Variants in RPTOR observed in about 807,000 individuals in gnomAD.
The protein encoded by RPTOR is regulatory associated protein of MTOR complex 1, also known as regulatory-associated protein of mTOR.
Under a neutral mutation model 169.9 loss-of-function variants are expected in RPTOR, and 21 were observed. The observed-to-expected ratio is 0.12, with a 90% CI of 0.09 to 0.18. RPTOR has a LOEUF of 0.18. RPTOR is among the 10% of genes least tolerant of loss of function. RPTOR has a pLI of 1.00. For synonymous variants in RPTOR, 732 were observed against 753.2 expected (o/e 0.97, Z 0.46); for missense variants, 1,133 against 1,855.9 (o/e 0.61, Z 7.16).
intron 1 of RPTOR, among the ~76,000 whole-genome samples, chr17:80,608,333 T>G (rs1164320854): frequency 6.6e-6 from 1 of 152,222 alleles, no homozygotes; most frequent in Non-Finnish European, 1.5e-5. Context: ...GCAATTTTCT[T>G]TTTTCATATA....
chr17:80,704,532 C>T (rs1042914561), intron 3 of RPTOR, among the ~76,000 whole-genome samples: 3 of 152,202 alleles, frequency 2.0e-5, no homozygotes, highest in African/African-American at 7.2e-5. Flanking sequence ...GTACCCAGCA[C>T]CTGGATGCAG....
intron 2 of RPTOR, among the ~76,000 whole-genome samples, chr17:80,639,256 A>T (rs1415858385): frequency 6.6e-6 from 1 of 150,558 alleles, no homozygotes; most frequent in Non-Finnish European, 1.5e-5. Flanking sequence ...TTTGCACTTC[A>T]TCTAGTAGGC....
At chr17:80,558,821 G>T (rs772446740) in intron 1 of RPTOR, among the ~76,000 whole-genome samples, 2 of 152,074 alleles carry the variant, frequency 1.3e-5, no homozygotes, top group East Asian at 3.8e-4. Context: ...ATTATGCCCC[G>T]CCCGTCACCC....
intron 5 of RPTOR, among the ~76,000 whole-genome samples, chr17:80,733,781 T>G (rs906586798): frequency 2.0e-5 from 3 of 152,278 alleles, no homozygotes; most frequent in African/African-American, 7.2e-5. Flanking sequence ...AGAGGCTGCG[T>G]CACTCACGAC....
intron 20 of RPTOR, among the ~76,000 whole-genome samples, chr17:80,898,164 G>T (rs1180274822): frequency 6.6e-6 from 1 of 152,138 alleles, no homozygotes; most frequent in Non-Finnish European, 1.5e-5. Context: ...TCATAAGCTA[G>T]CTTCAAAAAG....
intron 1 of RPTOR, among the ~76,000 whole-genome samples, chr17:80,579,018 T>C (rs1403177202): frequency 6.6e-6 from 1 of 152,138 alleles, no homozygotes; most frequent in Non-Finnish European, 1.5e-5. Context: ...CTTACTTGCT[T>C]TGTCCCCTTG....
chr17:80,573,870 C>G (rs1487334650), intron 1 of RPTOR, among the ~76,000 whole-genome samples: 1 of 152,256 alleles, frequency 6.6e-6, no homozygotes, highest in African/African-American at 2.4e-5. Flanking sequence ...GGAGAACCAG[C>G]TCCTAGCACT....
At chr17:80,808,792 G>C (rs1228865106) in intron 7 of RPTOR, among the ~76,000 whole-genome samples, 1 of 152,182 alleles carries the variant, frequency 6.6e-6, no homozygotes, top group South Asian at 2.1e-4. Context: ...GCTCTTTTCT[G>C]TCTCTTCCTT....
chr17:80,691,241 T>C (rs2065988325), intron 3 of RPTOR, among the ~76,000 whole-genome samples: 1 of 152,164 alleles, frequency 6.6e-6, no homozygotes, highest in Admixed American at 6.5e-5. Context: ...TGTGGGCTTC[T>C]CTCAAAGGTG....
intron 6 of RPTOR, among the ~76,000 whole-genome samples, chr17:80,785,993 A>T (rs560864614): frequency 6.6e-6 from 1 of 152,102 alleles, no homozygotes; most frequent in African/African-American, 2.4e-5. Context: ...GCGTCTGTCC[A>T]TGGGGAGAGG....
intron 1 of RPTOR, among the ~76,000 whole-genome samples, chr17:80,624,589 T>C (rs1202953101): frequency 6.6e-6 from 1 of 152,196 alleles, no homozygotes; most frequent in Non-Finnish European, 1.5e-5. Flanking sequence ...TACCCAGAAA[T>C]AGAATTTTGT....
intron 6 of RPTOR, among the ~76,000 whole-genome samples, chr17:80,781,627 C>T (rs1053223711): frequency 1.3e-5 from 2 of 152,242 alleles, no homozygotes; most frequent in African/African-American, 4.8e-5. Flanking sequence ...TTCTTCAAGA[C>T]TTGGAGTAAA....
At chr17:80,900,070 TC>T (rs1157280691) in intron 20 of RPTOR, among the ~76,000 whole-genome samples, 1 of 152,118 alleles carries the variant, frequency 6.6e-6, no homozygotes, top group Non-Finnish European at 1.5e-5. Flanking sequence ...TCTGGGCATC[TC>T]CCACCCCTCC....
intron 4 of RPTOR, among the ~76,000 whole-genome samples, chr17:80,716,629 A>G (rs537677738): frequency 6.6e-5 from 10 of 152,148 alleles, no homozygotes; most frequent in Non-Finnish European, 1.0e-4. Context: ...GTTCTTGCTC[A>G]TGAGATCCTT....
At chr17:80,742,725 TAC>T (rs1005032342) in intron 5 of RPTOR, among the ~76,000 whole-genome samples, 34 of 151,356 alleles carry the variant, frequency 2.2e-4, no homozygotes, top group African/African-American at 8.3e-4. Flanking sequence ...CCCACACACA[TAC>T]ACATGCATGT....
chr17:80,644,750 C>T (rs1259812779), intron 3 of RPTOR, among the ~76,000 whole-genome samples: 1 of 152,160 alleles, frequency 6.6e-6, no homozygotes, highest in Non-Finnish European at 1.5e-5. Flanking sequence ...ACATTATTTA[C>T]ATTCTTAGAG....
At chr17:80,886,724 C>G (rs2068251434) in intron 17 of RPTOR, among the ~76,000 whole-genome samples, 2 of 152,214 alleles carry the variant, frequency 1.3e-5, no homozygotes, top group African/African-American at 4.8e-5. Context: ...CGTCACTCGC[C>G]TGCACGGCTG....
At chr17:80,858,392 C>G (rs887367677) in intron 13 of RPTOR, among the ~76,000 whole-genome samples, 1 of 152,278 alleles carries the variant, frequency 6.6e-6, no homozygotes, top group Non-Finnish European at 1.5e-5. Context: ...GGGCCACCCC[C>G]TTACACGGGG....
At chr17:80,612,981 A>G (rs1416748659) in intron 1 of RPTOR, among the ~76,000 whole-genome samples, 1 of 152,216 alleles carries the variant, frequency 6.6e-6, no homozygotes, top group Non-Finnish European at 1.5e-5. Flanking sequence ...AAGAACCTAA[A>G]GCATCTCAAA....
Sources: gnomAD v4.1 joint callset for allele counts (sites outside exome capture counted in the v4.1 genomes callset) on GRCh38, gnomAD v4.1.1 for gene constraint, MANE v1.5 for transcripts, NCBI Gene and HGNC (gene_info 2026-07-23, HGNC 2026-07-21) for gene names.